DNASE1L1: variants seen among roughly 807,000 people sequenced by gnomAD.
DNASE1L1 encodes deoxyribonuclease-1-like 1.
A neutral mutation model predicts 18.6 loss-of-function variants in DNASE1L1; 8 were observed. That is an observed-to-expected ratio of 0.43 (90% CI 0.25 to 0.78). DNASE1L1 has a LOEUF of 0.78. Ranked by LOEUF, DNASE1L1 falls within the 30% of genes least tolerant of loss-of-function variation. The pLI, the probability that DNASE1L1 is intolerant of heterozygous loss-of-function variation, is 0.23. For missense variants in DNASE1L1, 214 were observed against 258.2 expected (o/e 0.83, Z 1.17); for synonymous variants, 114 against 114.2 (o/e 1.00, Z 0.01).
At chrX:154,406,102 G>C (rs1191043238) in intron 1 of DNASE1L1, among the ~76,000 whole-genome samples, 3 of 107,302 alleles carry the variant, frequency 2.8e-5, no homozygotes, top group African/African-American at 1.0e-4. Context: ...CTCCCGAGTA[G>C]CTGGGACTAC....
Position 154,403,582 on chromosome X carries a change from CGTT to C in DNASE1L1, c.349_351del (p.Asn117del). The C allele has an allele frequency of 1.7e-6, 2 of 1,211,899 alleles. No individual in the cohort carries two copies. Among genetic ancestry groups the C allele is most frequent in the Non-Finnish European group, 2.2e-6 (2 of 895,481 alleles). On this transcript the variant is annotated inframe_deletion, in exon 5 of 8. Coordinates refer to ENST00000369807, the MANE Select transcript of DNASE1L1 (RefSeq NM_001303620.2). ...TCCCGGGCAAAGACGTCATCCTCAT[CGTT>C]GTACACGTAGGAACTCAGGACCTGT...
chrX:154,408,688 T>G (rs1455226772), intron 1 of DNASE1L1: 3 of 115,239 alleles, frequency 2.6e-5, no homozygotes, highest in Non-Finnish European at 5.5e-5. Flanking sequence ...CGGGCTCACT[T>G]CCTACCTCTC....
upstream of DNASE1L1, chrX:154,412,067 A>C (rs998107575): frequency 3.3e-6 from 4 of 1,208,754 alleles, no homozygotes; most frequent in Non-Finnish European, 4.5e-6. Flanking sequence ...GGAGCGCCTG[A>C]CTTCTCCTTC....
upstream of DNASE1L1, chrX:154,411,861 G>T (rs782245384): frequency 5.8e-6 from 7 of 1,200,572 alleles, no homozygotes; most frequent in Non-Finnish European, 7.8e-6. Context: ...TGCACGTGAA[G>T]TGGCCGTTCC....
chrX:154,408,018 C>T (rs7050248), intron 1 of DNASE1L1, among the ~76,000 whole-genome samples: 13,080 of 108,026 alleles, frequency 0.12, 650 homozygotes, highest in South Asian at 0.16. Context: ...CTGCAACCTC[C>T]GTCTCCCAGG....
At chrX:154,411,791 G>T, upstream of DNASE1L1, 1 of 1,095,929 alleles carries the variant, frequency 9.1e-7, no homozygotes, top group Non-Finnish European at 1.2e-6. Flanking sequence ...ACCTAGAGGC[G>T]CCCCACAGGC....
chrX:154,402,529 C>T lies in DNASE1L1; in HGVS notation c.*178G>A. On this transcript the variant is annotated 3_prime_UTR_variant, in exon 8 of 8. Transcript: ENST00000369807. The stretch of plus-strand genomic sequence containing the variant: ...AGTGCAGGGCCCCTGGCTTCCTCTC[C>T]TAATCTAGGCACAAGCCCAACCAAA... 2.0e-6 allele frequency: 1 copy of T among 490,418 alleles called. No homozygotes were observed. 40.4% of individuals were successfully genotyped at this position (490,418 alleles called of 1,213,427 possible).
At chrX:154,404,712 A>AG in intron 4 of DNASE1L1, 116 bp downstream of exon 4, 1 of 661,708 alleles carries the variant, frequency 1.5e-6, no homozygotes, top group Non-Finnish European at 2.3e-6. Context: ...AAGCATGCAA[A>AG]GCAGGTGAGG....
chrX:154,403,060 C>G lies in DNASE1L1; in HGVS notation c.656G>C (p.Arg219Pro). 1 of 1,211,753 alleles carries G rather than the reference C, an allele frequency of 8.3e-7. No homozygotes were observed. Among genetic ancestry groups the G allele is most frequent in the Non-Finnish European group, 1.1e-6 (1 of 895,552 alleles). Residue 219 changes from arginine (R) to proline (P), a missense_variant, in exon 7 of 8, where the codon CGG (arginine) becomes CCG (proline). By Grantham distance (103) the Arg-to-Pro change is moderately radical (BLOSUM62 -2). Transcript: ENST00000369807. ...GTCATAGGTGCAGTGGGTGCTGGCC[C>G]GCACTGTGGTGTCCTCCCCATCGGC... ...VIADGEDTTV[R>P]ASTHCTYDRV...
At chrX:154,406,821 C>T (rs1346599997) in intron 1 of DNASE1L1, among the ~76,000 whole-genome samples, 1 of 109,032 alleles carries the variant, frequency 9.2e-6, no homozygotes. Context: ...TCATGCATCT[C>T]TTGACCTCGT....
chrX:154,411,717 G>C (rs781850889), upstream of DNASE1L1: 6 of 635,271 alleles, frequency 9.4e-6, no homozygotes, highest in South Asian at 4.8e-5. Flanking sequence ...CTGTTGCGCC[G>C]CGCCCCCGTC....
upstream of DNASE1L1, chrX:154,411,924 G>A: frequency 5.8e-6 from 7 of 1,207,983 alleles, no homozygotes; most frequent in South Asian, 1.8e-5. Flanking sequence ...TCATGGGCTT[G>A]GTGGGCACCT....
chrX:154,403,198 C>A lies in DNASE1L1; in HGVS notation c.526-8G>T, dbSNP rs781854019. The A allele has an allele frequency of 8.3e-7, 1 of 1,210,183 alleles. No homozygotes were observed. Among genetic ancestry groups the A allele is most frequent in the East Asian group, 3.0e-5 (1 of 33,808 alleles). On this transcript the variant is annotated splice_region_variant and splice_polypyrimidine_tract_variant and intron_variant, in intron 6 of 7. Transcript: ENST00000369807. ...CCCAAGCAGGATCACGTCCTAGAGA[C>A]ACAGCAGCCATCAGGCTGGCCGCTG... is the stretch of plus-strand genomic sequence containing the variant.
In DNASE1L1 at chrX:154,403,069, G is replaced by C; in HGVS notation, c.647C>G (p.Thr216Ser). ...GCAGTGGGTGCTGGCCCGCACTGTG[G>C]TGTCCTCCCCATCGGCAATCACCCA... ...FHWVIADGED[T>S]TVRASTHCTY... Residue 216 changes from threonine (T) to serine (S), a missense_variant, in exon 7 of 8, where the codon ACC becomes AGC. Transcript: ENST00000369807. The C allele has an allele frequency of 8.3e-7, 1 of 1,211,932 alleles. No homozygotes were observed. Among genetic ancestry groups the C allele is most frequent in the Non-Finnish European group, 1.1e-6 (1 of 895,597 alleles).
chrX:154,409,270 A>G, upstream of DNASE1L1: 1 of 248,938 alleles, frequency 4.0e-6, no homozygotes, highest in East Asian at 1.2e-4. Context: ...GCTGGGCCGG[A>G]CGCCCCACCC....
intron 1 of DNASE1L1, among the ~76,000 whole-genome samples, chrX:154,407,758 G>GCC (rs1191262369): frequency 4.5e-5 from 4 of 89,352 alleles, no homozygotes; most frequent in African/African-American, 1.4e-4. Context: ...ACCGCGCCCG[G>GCC]CCCCCCCCCT....
At position 154,409,112 on chromosome X, in the gene DNASE1L1, C is replaced by T. The variant is rs782082666; in HGVS notation, c.-88G>A. 48 of 340,768 alleles carry T rather than the reference C, an allele frequency of 1.4e-4. No individual in the cohort carries two copies. The highest frequency in any genetic ancestry group is 1.3e-3 in the South Asian group (48 of 38,320). The allele number at this position is 340,768 out of a possible 1,213,427, so 28.1% of individuals were successfully genotyped here. ...CCGTCTCCCCAGGGGGCTCCCATAC[C>T]TGCTCAGACCAGCTTGTCACCAAGT... On this transcript the variant is annotated splice_region_variant and 5_prime_UTR_variant, in exon 1 of 8. Transcript: ENST00000369807.
chrX:154,404,732 G>T, intron 4 of DNASE1L1, 96 bp downstream of exon 4: 2 of 830,329 alleles, frequency 2.4e-6, no homozygotes, highest in Non-Finnish European at 3.4e-6. Flanking sequence ...GCTGTCCCAG[G>T]ATGGGGGGCC....
chrX:154,402,760 T>A lies in DNASE1L1; in HGVS notation c.856A>T (p.Thr286Ser), dbSNP rs782790575. The change falls in exon 8 of 8, where the codon ACT becomes TCT. Residue 286 changes from threonine (T) to serine (S), a missense_variant. Coordinates refer to ENST00000369807, the MANE Select transcript of DNASE1L1 (RefSeq NM_001303620.2). ...AGGAGTGATAGCAGCAACAGAACAGTGAGGCTGAGAGGCTGGACGCTGTGC... is the reference window on the plus strand; with the variant it reads ...AGGAGTGATAGCAGCAACAGAACAGAGAGGCTGAGAGGCTGGACGCTGTGC... ...QAHSVQPLSL[T>S]VLLLLSLLSP... is the part of the protein sequence containing the mutation. 8.3e-7 allele frequency: 1 copy of A among 1,211,355 alleles called. No individual in the cohort carries two copies. The highest frequency in any genetic ancestry group is 1.8e-5 in the South Asian group (1 of 56,931).
Sources: gnomAD v4.1 joint callset for allele counts (sites outside exome capture counted in the v4.1 genomes callset) on GRCh38, gnomAD v4.1.1 for gene constraint, MANE v1.5 for transcripts, NCBI Gene and HGNC (gene_info 2026-07-23, HGNC 2026-07-21) for gene names.